The following FILIP1 variants were observed in gnomAD, a reference collection of about 807,000 sequenced individuals.
FILIP1 encodes filamin A interacting protein 1.
FILIP1 carries 61 observed loss-of-function variants against 102.1 expected under a neutral mutation model. That is an observed-to-expected ratio of 0.60 (90% CI 0.49 to 0.74). The LOEUF is 0.74. Among genes scored for constraint, FILIP1 ranks in the 30% least tolerant of loss-of-function variants. The pLI, the probability that FILIP1 is intolerant of heterozygous loss-of-function variation, is 0.00. For missense variants in FILIP1, 1,314 were observed against 1,441.2 expected (o/e 0.91, Z 1.43); for synonymous variants, 491 against 526.9 (o/e 0.93, Z 0.93).
At chr6:75,298,522 A>C (rs943305450) in intron 6 of FILIP1, among the ~76,000 whole-genome samples, 3 of 152,206 alleles carry the variant, frequency 2.0e-5, no homozygotes, top group East Asian at 1.9e-4. Context: ...AGATTTACTA[A>C]ATCTATAGTT....
intron 2 of FILIP1, chr6:75,367,421 A>C (rs948613237): frequency 2.6e-5 from 4 of 152,264 alleles, no homozygotes; most frequent in African/African-American, 9.7e-5. Context: ...GGATCACCTT[A>C]AGTCAGGAGT....
At position 75,362,848 on chromosome 6, in the gene FILIP1, C is replaced by G. The variant is rs140731996; in HGVS notation, c.346G>C (p.Gly116Arg). The change falls in exon 3 of 6, where the codon GGG becomes CGG. Residue 116 changes from glycine to arginine, a missense_variant. Gly to Arg is a moderately radical substitution (Grantham distance 125). Around this residue, in one of 3 missense-constraint regions of FILIP1, gnomAD observed 494 missense variants for 511.2 expected, o/e 0.97. Coordinates refer to ENST00000237172, the MANE Select transcript of FILIP1 (RefSeq NM_015687.5). ...TKPEVLEAHY[G>R]SAEPEKVLRV... is the part of the protein sequence containing the mutation. ...AGCACTTTCTCTGGCTCCGCAGACC[C>G]GTAATGAGCCTCCAGAACCTCAGGC... The G allele has an allele frequency of 6.2e-7, 1 of 1,613,918 alleles. No homozygotes were observed. Among genetic ancestry groups the G allele is most frequent in the Non-Finnish European group, 8.5e-7 (1 of 1,179,970 alleles).
chr6:75,463,588 A>T (rs972657278), intron 1 of FILIP1, among the ~76,000 whole-genome samples: 1 of 152,196 alleles, frequency 6.6e-6, no homozygotes, highest in Non-Finnish European at 1.5e-5. Flanking sequence ...AGTTTTCTGG[A>T]TATCATAAAA....
At chr6:75,367,813 TACATC>T (rs1419687957) in intron 2 of FILIP1, among the ~76,000 whole-genome samples, 1 of 152,216 alleles carries the variant, frequency 6.6e-6, no homozygotes, top group African/African-American at 2.4e-5. Context: ...AAAACAACTT[TACATC>T]TCCATTTTTG....
intron 1 of FILIP1, among the ~76,000 whole-genome samples, chr6:75,437,825 C>T (rs1778077315): frequency 6.6e-6 from 1 of 152,194 alleles, no homozygotes; most frequent in Non-Finnish European, 1.5e-5. Flanking sequence ...TAGCTGGTAA[C>T]TAGGCATTTC....
At chr6:75,465,809 A>G (rs773011407) in intron 1 of FILIP1, among the ~76,000 whole-genome samples, 13 of 152,208 alleles carry the variant, frequency 8.5e-5, no homozygotes, top group Non-Finnish European at 1.5e-4. Flanking sequence ...AAATCAGATC[A>G]TGCTCCTTCT....
At chr6:75,345,962 A>C (rs897043109) in intron 4 of FILIP1, among the ~76,000 whole-genome samples, 1 of 152,132 alleles carries the variant, frequency 6.6e-6, no homozygotes, top group Non-Finnish European at 1.5e-5. Context: ...TAAAAGCCAA[A>C]ATATATGGAA....
chr6:75,336,158 C>T (rs1386841190), intron 4 of FILIP1, among the ~76,000 whole-genome samples: 1 of 152,132 alleles, frequency 6.6e-6, no homozygotes, highest in Admixed American at 6.6e-5. Context: ...AAACAAGAAA[C>T]TATTGCCACT....
intron 2 of FILIP1, among the ~76,000 whole-genome samples, chr6:75,364,895 C>T (rs1257468875): frequency 6.6e-6 from 1 of 152,146 alleles, no homozygotes; most frequent in East Asian, 1.9e-4. Context: ...TCCTCACACC[C>T]GAGGTCAGTT....
chr6:75,382,825 C>T (rs1775949501), intron 2 of FILIP1, among the ~76,000 whole-genome samples: 1 of 152,150 alleles, frequency 6.6e-6, no homozygotes, highest in Middle Eastern at 3.2e-3. Flanking sequence ...TGTGAATCTG[C>T]AGGCAGAAAA....
At chr6:75,355,870 C>T (rs1040780746) in intron 3 of FILIP1, among the ~76,000 whole-genome samples, 1 of 152,244 alleles carries the variant, frequency 6.6e-6, no homozygotes, top group Middle Eastern at 3.4e-3. Context: ...CTATTTTCCC[C>T]CTTTGAGTTC....
chr6:75,353,399 C>A (rs527326355), intron 4 of FILIP1, 140 bp downstream of exon 4: 11 of 758,798 alleles, frequency 1.4e-5, no homozygotes, highest in South Asian at 1.2e-4. Flanking sequence ...TCTATGGTTA[C>A]CACCCATTCA....
chr6:75,446,104 C>A (rs1013782693), intron 1 of FILIP1, among the ~76,000 whole-genome samples: 3 of 152,118 alleles, frequency 2.0e-5, no homozygotes, highest in African/African-American at 7.2e-5. Flanking sequence ...TCAAAACTCA[C>A]AAAATTTTCA....
downstream of FILIP1, among the ~76,000 whole-genome samples, chr6:75,306,172 C>T (rs1010847212): frequency 6.6e-6 from 1 of 152,142 alleles, no homozygotes; most frequent in African/African-American, 2.4e-5. Flanking sequence ...TGTTCTTTAT[C>T]ATTTCTGAAA....
intron 1 of FILIP1, among the ~76,000 whole-genome samples, chr6:75,482,063 C>G (rs1395983927): frequency 6.6e-6 from 1 of 152,100 alleles, no homozygotes; most frequent in African/African-American, 2.4e-5. Context: ...ATCTGGTTTT[C>G]CCCCTTGTCC....
At chr6:75,295,540 T>A (rs1430222765) in exon 7 of FILIP1, 1 of 163,058 alleles carries the variant, frequency 6.1e-6, no homozygotes, top group African/African-American at 2.4e-5. Flanking sequence ...TTTGAAGAAC[T>A]GACAGCGTAT....
Position 75,357,774 on chromosome 6 carries a change from T to C in FILIP1, c.451-4057A>G, listed in dbSNP as rs1775052109. On this transcript the variant is annotated intron_variant, in intron 3 of 5. Transcript: ENST00000237172. ...TACCAGATGCTGTTTCTTGTTTTTT[T>C]GTTTGGAACTACATCAGTCACCTAA... Among the ~76,000 whole-genome samples, 3 of 152,220 alleles carry C rather than the reference T, an allele frequency of 2.0e-5. No individual in the cohort carries two copies. In the South Asian group the frequency reaches 6.2e-4, roughly 31 times the overall value.
At chr6:75,299,382 A>T (rs750364580) in intron 6 of FILIP1, among the ~76,000 whole-genome samples, 39 of 152,202 alleles carry the variant, frequency 2.6e-4, no homozygotes, top group Admixed American at 2.5e-3. Context: ...GAGAGCACTT[A>T]ATAGGCAGAT....
chr6:75,343,348 G>A (rs1048816398), intron 4 of FILIP1, among the ~76,000 whole-genome samples: 1 of 152,088 alleles, frequency 6.6e-6, no homozygotes, highest in African/African-American at 2.4e-5. Flanking sequence ...AGATACTCTT[G>A]GACTCCACCT....
Sources: gnomAD v4.1 joint callset for allele counts (sites outside exome capture counted in the v4.1 genomes callset) on GRCh38, gnomAD v4.1.1 for gene constraint, gnomAD v4.1.1 regional missense constraint, MANE v1.5 for transcripts, NCBI Gene and HGNC (gene_info 2026-07-23, HGNC 2026-07-21) for gene names.